The following CLOCK variants were observed in gnomAD, a reference collection of about 807,000 sequenced individuals.
CLOCK encodes the protein clock circadian regulator.
Under a neutral mutation model 118.4 loss-of-function variants are expected in CLOCK, and 43 were observed. That is an observed-to-expected ratio of 0.36 (90% CI 0.28 to 0.47). The LOEUF is 0.47. Among genes scored for constraint, CLOCK ranks in the 20% least tolerant of loss-of-function variants. The pLI, the probability that CLOCK is intolerant of heterozygous loss-of-function variation, is 1.00. For synonymous variants in CLOCK, 326 were observed against 339.2 expected (o/e 0.96, Z 0.43); for missense variants, 846 against 999.9 (o/e 0.85, Z 2.08).
Position 55,546,909 on chromosome 4 carries a change from C to G in CLOCK, c.-417G>C, listed in dbSNP as rs1242941852. The G allele has an allele frequency of 6.6e-6, 1 of 152,174 alleles. No individual in the cohort carries two copies. Among genetic ancestry groups the G allele is most frequent in the Non-Finnish European group, 1.5e-5 (1 of 68,048 alleles). The allele number at this position is 152,174 out of a possible 1,614,324, so 9.4% of individuals were successfully genotyped here. ...CCCCTCCCGGCGCATGCGTCGTCAG[C>G]GACCCCGCGGGCTCAGACGGCCGGC... On this transcript the variant is annotated 5_prime_UTR_variant, in exon 1 of 23. Coordinates refer to ENST00000513440, the MANE Select transcript of CLOCK (RefSeq NM_004898.4).
chr4:55,540,175 T>C (rs937843926), intron 1 of CLOCK, among the ~76,000 whole-genome samples: 1 of 151,808 alleles, frequency 6.6e-6, no homozygotes, highest in Admixed American at 6.6e-5. Flanking sequence ...GCCCGGCTAA[T>C]TTTTGTACTT....
chr4:55,538,883 A>G (rs1204388421), intron 1 of CLOCK, among the ~76,000 whole-genome samples: 2 of 152,226 alleles, frequency 1.3e-5, no homozygotes, highest in African/African-American at 4.8e-5. Flanking sequence ...GCAACCAAAC[A>G]TTCTTAATGT....
At chr4:55,544,269 A>C (rs1249051726) in intron 1 of CLOCK, among the ~76,000 whole-genome samples, 1 of 152,158 alleles carries the variant, frequency 6.6e-6, no homozygotes, top group Non-Finnish European at 1.5e-5. Context: ...CAACCTGAAA[A>C]GCAAACTAAC....
chr4:55,535,198 T>C (rs1416911881), intron 1 of CLOCK, among the ~76,000 whole-genome samples: 1 of 142,946 alleles, frequency 7.0e-6, no homozygotes, highest in Admixed American at 7.0e-5. Context: ...AAAAAAAATT[T>C]TTTTGCTTCT....
At chr4:55,466,575 G>A (rs981431084) in intron 8 of CLOCK, among the ~76,000 whole-genome samples, 2 of 152,094 alleles carry the variant, frequency 1.3e-5, no homozygotes, top group East Asian at 3.9e-4. Flanking sequence ...ATTATGATGT[G>A]ACCTATCTTA....
intron 2 of CLOCK, among the ~76,000 whole-genome samples, chr4:55,497,005 T>TA (rs1316208351): frequency 6.6e-6 from 1 of 152,238 alleles, no homozygotes; most frequent in East Asian, 1.9e-4. Flanking sequence ...GAAGAGGTAC[T>TA]ATGTGCTTCC....
intron 21 of CLOCK, among the ~76,000 whole-genome samples, chr4:55,441,229 AC>A (rs1240314261): frequency 6.6e-6 from 1 of 152,108 alleles, no homozygotes; most frequent in Non-Finnish European, 1.5e-5. Context: ...ATATCACCTT[AC>A]CCAGCCAGAC....
At position 55,546,792 on chromosome 4, in the gene CLOCK, C is replaced by G. The variant is rs1455255770; in HGVS notation, c.-300G>C. 1.3e-5 allele frequency: 2 copies of G among 151,860 alleles called. No homozygotes were observed. The highest frequency in any genetic ancestry group is 2.9e-5 in the Non-Finnish European group (2 of 68,002). 9.4% of individuals were successfully genotyped at this position (151,860 alleles called of 1,614,324 possible). ...GCGGGCGCCTCTCACCGGGAGCGCT[C>G]GCGGCGGCGGCGGCCAGATTTCCTT... is the stretch of plus-strand genomic sequence containing the variant. On this transcript the variant is annotated 5_prime_UTR_variant, in exon 1 of 23. Coordinates refer to ENST00000513440, the MANE Select transcript of CLOCK (RefSeq NM_004898.4).
At chr4:55,483,253 T>G (rs1055408184) in intron 3 of CLOCK, among the ~76,000 whole-genome samples, 4 of 152,278 alleles carry the variant, frequency 2.6e-5, no homozygotes, top group South Asian at 4.1e-4. Flanking sequence ...TAGGAAAAAT[T>G]TGCAATTGAG....
At position 55,449,431 on chromosome 4, in the gene CLOCK, T is replaced by C; in HGVS notation, c.1414A>G (p.Lys472Glu). The change falls in exon 17 of 23, where the codon AAG (lysine) becomes GAG (glutamate). Residue 472 changes from lysine to glutamate, a missense_variant. Coordinates refer to ENST00000513440, the MANE Select transcript of CLOCK (RefSeq NM_004898.4). ...AATGATGACCTTCTTTGCACCATCT[T>C]CTCATGAGCTGGTAAATGCTGCCTG... Reference protein sequence around the residue: ...PPRQHLPAHEKMVQRRSSFSS... With the variant: ...PPRQHLPAHEEMVQRRSSFSS... 6.2e-7 allele frequency: 1 copy of C among 1,614,002 alleles called. No individual in the cohort carries two copies.
chr4:55,448,990 G>C lies in CLOCK; in HGVS notation c.1450-122C>G, dbSNP rs1724190566. The C allele has an allele frequency of 2.3e-5, 18 of 772,206 alleles. No homozygotes were observed. The Admixed American group carries it at 3.8e-4, about 16-fold the overall frequency. The allele number at this position is 772,206 out of a possible 1,614,324, so 47.8% of individuals were successfully genotyped here. A position where few individuals can be genotyped will look rare whatever the true frequency, so the allele number is the denominator to read the frequency against. On this transcript the variant is annotated intron_variant, in intron 17 of 22. Transcript: ENST00000513440. ...TACCATTTGCCTCATACTTTTGTTA[G>C]CTGAATACAGCTATGTCTTCTCATC...
chr4:55,446,814 T>A (rs1723889403), intron 18 of CLOCK, among the ~76,000 whole-genome samples: 1 of 152,150 alleles, frequency 6.6e-6, no homozygotes, highest in Non-Finnish European at 1.5e-5. Context: ...TGGAAGGAAA[T>A]CTGTCTTAAA....
chr4:55,509,746 T>A (rs930490959), intron 2 of CLOCK, among the ~76,000 whole-genome samples, 166 bp downstream of exon 2: 1 of 152,232 alleles, frequency 6.6e-6, no homozygotes, highest in African/African-American at 2.4e-5. Context: ...TAAATAACCT[T>A]CTTACTCCTC....
rs1237853342 is a variant in CLOCK at position 55,432,417 on chromosome 4, A to G, written c.*2998T>C. 1 of 151,952 alleles carries G rather than the reference A, an allele frequency of 6.6e-6. No individual in the cohort carries two copies. Among genetic ancestry groups the G allele is most frequent in the Admixed American group, 6.6e-5 (1 of 15,230 alleles). 9.4% of individuals were successfully genotyped at this position (151,952 alleles called of 1,614,324 possible). On this transcript the variant is annotated 3_prime_UTR_variant, in exon 23 of 23. Coordinates refer to ENST00000513440, the MANE Select transcript of CLOCK (RefSeq NM_004898.4). ...CTGAAACTCAGTAGTTTCTTACCTA[A>G]AAAGTACCACCCAGAATAAGTGTTT...
intron 1 of CLOCK, among the ~76,000 whole-genome samples, chr4:55,520,876 A>C (rs1729808233): frequency 6.6e-6 from 1 of 152,140 alleles, no homozygotes; most frequent in South Asian, 2.1e-4. Context: ...TGATCATGTC[A>C]CTCAAATTCC....
At chr4:55,488,246 T>C (rs559215112) in intron 3 of CLOCK, among the ~76,000 whole-genome samples, 73 of 152,304 alleles carry the variant, frequency 4.8e-4, no homozygotes, top group African/African-American at 1.5e-3. Context: ...GGCTGCTCCT[T>C]CTCCTCTAAT....
At chr4:55,474,331 C>A (rs935526688) in intron 7 of CLOCK, among the ~76,000 whole-genome samples, 5 of 152,078 alleles carry the variant, frequency 3.3e-5, no homozygotes, top group Admixed American at 6.6e-5. Context: ...AAGGAAACTA[C>A]AGAAGAAAAG....
chr4:55,450,028 T>C, intron 16 of CLOCK, 63 bp downstream of exon 16: 1 of 1,560,516 alleles, frequency 6.4e-7, no homozygotes, highest in South Asian at 1.1e-5. Context: ...AATGCTGATA[T>C]AAGTAACTAA....
At chr4:55,491,234 T>TA (rs34441416) in intron 2 of CLOCK, among the ~76,000 whole-genome samples, 1,706 of 44,274 alleles carry the variant, frequency 0.039, 49 homozygotes, top group Middle Eastern at 0.083. Context: ...GCAGGTGTGC[T>TA]AAAAAAAAAA....
Sources: gnomAD v4.1 joint callset for allele counts (sites outside exome capture counted in the v4.1 genomes callset) on GRCh38, gnomAD v4.1.1 for gene constraint, MANE v1.5 for transcripts, NCBI Gene and HGNC (gene_info 2026-07-23, HGNC 2026-07-21) for gene names.